MEIS2: variants seen among roughly 807,000 people sequenced by gnomAD.
The protein encoded by MEIS2 is homeobox protein Meis2.
MEIS2 carries 9 observed loss-of-function variants against 58.6 expected under a neutral mutation model. The ratio of observed to expected loss-of-function variants is 0.15; its 90% confidence interval spans 0.09 to 0.27. The LOEUF (loss-of-function observed/expected upper bound fraction) is 0.27. Ranked by LOEUF, MEIS2 falls within the 10% of genes least tolerant of loss-of-function variation. MEIS2 has a pLI of 1.00. For synonymous variants in MEIS2, 221 were observed against 228.4 expected (o/e 0.97, Z 0.29); for missense variants, 427 against 635.0 (o/e 0.67, Z 3.52).
chr15:36,950,477 C>G, intron 8 of MEIS2, 77 bp from the exon 9 acceptor site: 3 of 1,368,956 alleles, frequency 2.2e-6, no homozygotes, highest in Non-Finnish European at 3.1e-6. Flanking sequence ...ATAAAACCAC[C>G]GTTGGTGATT....
chr15:37,002,588 C>T (rs536616517), intron 8 of MEIS2, among the ~76,000 whole-genome samples: 17 of 151,994 alleles, frequency 1.1e-4, no homozygotes, highest in South Asian at 2.1e-4. Flanking sequence ...AATGAATATA[C>T]GGTCAGGCAA....
intron 2 of MEIS2, 86 bp from the exon 3 acceptor site, chr15:37,096,516 G>C: frequency 4.0e-6 from 6 of 1,512,846 alleles, no homozygotes; most frequent in Non-Finnish European, 5.4e-6. Flanking sequence ...CAAGTTTGGA[G>C]GGTGTGGAGT....
intron 8 of MEIS2, among the ~76,000 whole-genome samples, chr15:37,000,205 G>A (rs1474451325): frequency 2.0e-5 from 3 of 152,110 alleles, no homozygotes; most frequent in South Asian, 4.1e-4. Flanking sequence ...GTATCACAAG[G>A]TCATAATTAA....
intron 8 of MEIS2, among the ~76,000 whole-genome samples, chr15:36,969,653 A>G (rs566903188): frequency 2.6e-5 from 4 of 152,382 alleles, no homozygotes; most frequent in Admixed American, 6.5e-5. Flanking sequence ...AATTTCAAAT[A>G]CTAATGAAAA....
intron 6 of MEIS2, among the ~76,000 whole-genome samples, chr15:37,084,206 A>G (rs1942718887): frequency 6.6e-6 from 1 of 152,198 alleles, no homozygotes; most frequent in African/African-American, 2.4e-5. Flanking sequence ...AAAGTAAAAA[A>G]AAATTATGAA....
At chr15:37,041,848 G>T (rs114692171) in intron 7 of MEIS2, among the ~76,000 whole-genome samples, 2,599 of 152,186 alleles carry the variant, frequency 0.017, 73 homozygotes, top group African/African-American at 0.058. Flanking sequence ...AAAAAGAAAA[G>T]AAAATTCTCA....
At chr15:36,939,401 T>A (rs914638527) in intron 9 of MEIS2, among the ~76,000 whole-genome samples, 10 of 152,220 alleles carry the variant, frequency 6.6e-5, no homozygotes, top group African/African-American at 2.2e-4. Context: ...AGGTCAGGGC[T>A]GTCACTCATA....
intron 8 of MEIS2, among the ~76,000 whole-genome samples, chr15:36,967,120 T>C (rs1595830070): frequency 6.6e-6 from 1 of 152,198 alleles, no homozygotes; most frequent in African/African-American, 2.4e-5. Context: ...AATCATTCCT[T>C]GTTTCCATTG....
At chr15:37,087,005 A>G (rs1440508318) in intron 6 of MEIS2, among the ~76,000 whole-genome samples, 1 of 152,206 alleles carries the variant, frequency 6.6e-6, no homozygotes, top group East Asian at 1.9e-4. Context: ...ATCCTTCAAG[A>G]AAAATGGCAT....
At chr15:37,088,349 C>T (rs1893134910) in intron 6 of MEIS2, among the ~76,000 whole-genome samples, 1 of 152,010 alleles carries the variant, frequency 6.6e-6, no homozygotes, top group African/African-American at 2.4e-5. Flanking sequence ...TAATTTGACT[C>T]AATATATTTA....
intron 8 of MEIS2, among the ~76,000 whole-genome samples, chr15:37,021,203 G>A (rs2061516624): frequency 6.6e-6 from 1 of 152,138 alleles, no homozygotes; most frequent in Non-Finnish European, 1.5e-5. Flanking sequence ...CTCCTTACCA[G>A]TACCTCTGGA....
intron 7 of MEIS2, among the ~76,000 whole-genome samples, chr15:37,038,518 T>G (rs184631428): frequency 6.6e-6 from 1 of 152,350 alleles, no homozygotes; most frequent in Admixed American, 6.5e-5. Flanking sequence ...CTCCATCACA[T>G]GGAAGAGATG....
At chr15:36,976,229 C>T (rs549722116) in intron 8 of MEIS2, among the ~76,000 whole-genome samples, 77 of 151,958 alleles carry the variant, frequency 5.1e-4, no homozygotes, top group East Asian at 2.5e-3. Flanking sequence ...GGATTACAGG[C>T]GGCCACCACC....
At chr15:37,022,342 G>T (rs2061552608) in intron 8 of MEIS2, among the ~76,000 whole-genome samples, 1 of 152,018 alleles carries the variant, frequency 6.6e-6, no homozygotes, top group Admixed American at 6.6e-5. Flanking sequence ...AAATTTATTT[G>T]GTCCCAACCT....
chr15:36,954,501 A>G (rs1272977884), intron 8 of MEIS2, among the ~76,000 whole-genome samples: 1 of 148,780 alleles, frequency 6.7e-6, no homozygotes, highest in African/African-American at 2.4e-5. Context: ...ATATAAATTA[A>G]CTATAATTTA....
intron 8 of MEIS2, among the ~76,000 whole-genome samples, chr15:36,963,220 C>CA (rs911650990): frequency 3.3e-5 from 5 of 151,148 alleles, no homozygotes; most frequent in African/African-American, 4.9e-5. Context: ...ACTAAAAATA[C>CA]AAAAAAAAAT....
Position 37,053,987 on chromosome 15 carries a change from G to A in MEIS2, c.755-17028C>T, listed in dbSNP as rs994600136. Among the ~76,000 whole-genome samples, 5 of 152,178 alleles carry A rather than the reference G, an allele frequency of 3.3e-5. No individual in the cohort carries two copies. In the South Asian group the frequency reaches 8.3e-4, roughly 25 times the overall value. On this transcript the variant is annotated intron_variant, in intron 7 of 11. Transcript: ENST00000561208. ...AGTGTAGGGGCATAGACTGTTATCC[G>A]CATTTAACAGATAAAGCGAGTGAGG...
intron 7 of MEIS2, among the ~76,000 whole-genome samples, chr15:37,074,802 C>T (rs1891163328): frequency 6.6e-6 from 1 of 151,946 alleles, no homozygotes; most frequent in Non-Finnish European, 1.5e-5. Context: ...GTCTCTCTGT[C>T]TTCTAGGTCT....
chr15:37,071,125 G>A (rs1302496705), intron 7 of MEIS2, among the ~76,000 whole-genome samples: 1 of 151,974 alleles, frequency 6.6e-6, no homozygotes, highest in East Asian at 1.9e-4. Flanking sequence ...TTCACAATAT[G>A]GACCCAATCT....
Sources: allele counts gnomAD v4.1 joint callset (sites outside exome capture counted in the v4.1 genomes callset), GRCh38; gene constraint gnomAD v4.1.1; transcripts MANE v1.5; gene names NCBI Gene and HGNC (gene_info 2026-07-23, HGNC 2026-07-21).